PP2D1: variants seen among roughly 807,000 people sequenced by gnomAD.
PP2D1 encodes protein phosphatase 2C like domain containing 1.
A neutral mutation model predicts 30.2 loss-of-function variants in PP2D1; 25 were observed. The ratio of observed to expected loss-of-function variants is 0.83; its 90% CI spans 0.60 to 1.16. PP2D1 has a LOEUF of 1.16. Ranked by LOEUF, PP2D1 falls within the 50% of genes most tolerant of loss-of-function variation. The probability of loss-of-function intolerance (pLI) is 0.00; values close to 1 mark genes in which losing one functional copy is unlikely to be tolerated. For synonymous variants in PP2D1, 260 were observed against 258.9 expected (o/e 1.00, Z -0.04); for missense variants, 760 against 742.4 (o/e 1.02, Z -0.28).
At chr3:19,980,084 A>T (rs562652303) in exon 4 of PP2D1, 11 of 152,308 alleles carry the variant, frequency 7.2e-5, no homozygotes, top group African/African-American at 2.4e-4. Flanking sequence ...TCAAGTTTGC[A>T]GTTTGCTAGG....
At chr3:19,997,974 A>G (rs1430705384) in intron 2 of PP2D1, among the ~76,000 whole-genome samples, 2 of 152,108 alleles carry the variant, frequency 1.3e-5, no homozygotes, top group Non-Finnish European at 2.9e-5. Context: ...AGATGAGCAG[A>G]TCACAAGGTC....
Position 20,001,578 on chromosome 3 carries a change from C to T in PP2D1, c.542G>A (p.Trp181Ter). 5 of 1,536,292 alleles carry T rather than the reference C, an allele frequency of 3.3e-6. No homozygotes were observed. Among genetic ancestry groups the T allele is most frequent in the South Asian group, 1.2e-5 (1 of 84,050 alleles). Residue 181 changes from tryptophan to a stop codon, truncating the protein, a stop_gained, in exon 2 of 3, where the codon TGG becomes TAG. Transcript: ENST00000389050. LOFTEE classifies it high-confidence loss of function. ...GAATTTATCATTCATGTCAGCTTTC[C>T]ATGTAGAATTCCTGTCTTCACAAAT... ...VGICEDRNSTWKADMNDKFTV... is the reference protein window; with the variant it reads ...VGICEDRNST
chr3:20,005,669 G>C (rs1697310078), intron 1 of PP2D1, among the ~76,000 whole-genome samples: 1 of 151,830 alleles, frequency 6.6e-6, no homozygotes, highest in South Asian at 2.1e-4. Flanking sequence ...ATAGATAGTT[G>C]GTAGTTAGAT....
intron 1 of PP2D1, among the ~76,000 whole-genome samples, chr3:20,009,136 AC>A (rs1211939138): frequency 1.3e-5 from 2 of 152,100 alleles, no homozygotes; most frequent in African/African-American, 2.4e-5. Context: ...TTATATCATC[AC>A]TTAGTTACAG....
At chr3:19,983,931 T>C (rs3736124), downstream of PP2D1, 2,612 of 744,172 alleles carry the variant, frequency 3.5e-3, 51 homozygotes, top group East Asian at 0.045. Context: ...AAGAGACTTA[T>C]GATAGAGTCA....
At chr3:19,999,723 G>A (rs542952038) in intron 2 of PP2D1, among the ~76,000 whole-genome samples, 4 of 152,140 alleles carry the variant, frequency 2.6e-5, no homozygotes, top group African/African-American at 9.6e-5. Flanking sequence ...TCCACTTATT[G>A]AATATGTCAT....
At chr3:19,987,475 T>C (rs1226350750) in intron 2 of PP2D1, among the ~76,000 whole-genome samples, 4 of 152,184 alleles carry the variant, frequency 2.6e-5, no homozygotes, top group Admixed American at 2.6e-4. Flanking sequence ...ATCTTTGAGA[T>C]TTAAAATTCC....
chr3:19,991,497 C>T (rs1031776892), intron 2 of PP2D1, among the ~76,000 whole-genome samples: 1 of 152,092 alleles, frequency 6.6e-6, no homozygotes, highest in Non-Finnish European at 1.5e-5. Context: ...TACCTATATA[C>T]GTGATGGGTG....
At chr3:19,990,772 C>T (rs7613136) in intron 2 of PP2D1, among the ~76,000 whole-genome samples, 1 of 139,646 alleles carries the variant, frequency 7.2e-6, no homozygotes, top group African/African-American at 2.6e-5. Flanking sequence ...TTTTTTTTTG[C>T]GGAGTCTTGC....
chr3:19,999,638 C>G (rs551758981), intron 2 of PP2D1, among the ~76,000 whole-genome samples: 3 of 152,172 alleles, frequency 2.0e-5, no homozygotes, highest in East Asian at 3.9e-4. Context: ...ATCCACCCAC[C>G]TCGGCCTCCC....
At chr3:19,995,741 G>T (rs1287523507) in intron 2 of PP2D1, among the ~76,000 whole-genome samples, 1 of 152,124 alleles carries the variant, frequency 6.6e-6, no homozygotes, top group African/African-American at 2.4e-5. Context: ...AAAAGTTAGA[G>T]ACATATATGA....
At position 19,986,014 on chromosome 3, in the gene PP2D1, A is replaced by C; in HGVS notation, c.1259T>G (p.Leu420Arg). 3.3e-6 allele frequency: 5 copies of C among 1,536,098 alleles called. No homozygotes were observed. Among genetic ancestry groups the C allele is most frequent in the Non-Finnish European group, 3.5e-6 (4 of 1,146,878 alleles). Residue 420 changes from leucine (L) to arginine (R), a missense_variant, in exon 3 of 3, where the codon CTT (leucine) becomes CGT (arginine). This residue lies in a region of PP2D1 where 369 missense variants were observed against 316.2 expected (regional missense o/e 1.17). Transcript: ENST00000389050. Reference sequence around the variant, plus strand: ...CAGCTTGAGATTTCCATGAAATCCAAGTCCTCGTGTAGTTTTTACTTGCCC... The same window carrying C: ...CAGCTTGAGATTTCCATGAAATCCACGTCCTCGTGTAGTTTTTACTTGCCC... ...VEGQVKTTRGLGFHGNLKLKK... is the reference protein window; with the variant it reads ...VEGQVKTTRGRGFHGNLKLKK...
chr3:19,986,269 G>A (rs1697033325), intron 2 of PP2D1, 87 bp from the exon 3 acceptor site: 6 of 962,580 alleles, frequency 6.2e-6, no homozygotes, highest in Non-Finnish European at 7.4e-6. Context: ...AGTAAATTCT[G>A]TGTTTCAATG....
chr3:20,010,799 T>C (rs1697376033), intron 1 of PP2D1, among the ~76,000 whole-genome samples: 1 of 151,500 alleles, frequency 6.6e-6, no homozygotes, highest in South Asian at 2.1e-4. Context: ...CGAAACTCCA[T>C]CTCAGAATAA....
chr3:19,986,279 G>T, intron 2 of PP2D1, 97 bp from the exon 3 acceptor site: 1 of 840,772 alleles, frequency 1.2e-6, no homozygotes, highest in Non-Finnish European at 1.8e-6. Context: ...GTGTTTCAAT[G>T]CTAAACAGAA....
At chr3:20,005,284 C>A (rs1455601303) in intron 1 of PP2D1, among the ~76,000 whole-genome samples, 2 of 151,972 alleles carry the variant, frequency 1.3e-5, no homozygotes, top group African/African-American at 4.8e-5. Context: ...TCCCAAGTAG[C>A]TGGGATTACA....
downstream of PP2D1, chr3:19,983,886 G>A (rs1303746061): frequency 1.2e-4 from 144 of 1,171,748 alleles, no homozygotes; most frequent in Non-Finnish European, 1.7e-4. Context: ...CAATGGAATT[G>A]GAGCATTTAA....
downstream of PP2D1, among the ~76,000 whole-genome samples, chr3:19,983,360 A>C (rs1257990264): frequency 2.6e-5 from 4 of 151,670 alleles, no homozygotes; most frequent in African/African-American, 9.7e-5. Flanking sequence ...AAAAAAAAAA[A>C]AAAGAAGTAA....
At chr3:20,008,995 A>G (rs1697355377) in intron 1 of PP2D1, among the ~76,000 whole-genome samples, 1 of 152,196 alleles carries the variant, frequency 6.6e-6, no homozygotes, top group African/African-American at 2.4e-5. Context: ...TGAAATTACA[A>G]TGCTTAGGGA....
Sources: allele counts gnomAD v4.1 joint callset (sites outside exome capture counted in the v4.1 genomes callset), GRCh38; gene constraint gnomAD v4.1.1; regional missense constraint gnomAD v4.1.1; transcripts MANE v1.5; gene names NCBI Gene and HGNC (gene_info 2026-07-23, HGNC 2026-07-21).